CSMD1: variants seen among roughly 807,000 people sequenced by gnomAD.
The protein encoded by CSMD1 is CUB and sushi domain-containing protein 1.
Under a neutral mutation model 417.5 loss-of-function variants are expected in CSMD1, and 213 were observed. The ratio of observed to expected loss-of-function variants is 0.51; its 90% CI spans 0.46 to 0.57. The LOEUF (loss-of-function observed/expected upper bound fraction) is 0.57, where lower values mean the gene tolerates loss of function less well. Ranked by LOEUF, CSMD1 falls within the 20% of genes least tolerant of loss-of-function variation. CSMD1 has a pLI of 0.00. For synonymous variants in CSMD1, 2,862 were observed against 1,736.8 expected (o/e 1.65, Z -16.11); for missense variants, 6,923 against 4,529.7 (o/e 1.53, Z -15.17).
intron 5 of CSMD1, among the ~76,000 whole-genome samples, chr8:3,983,176 G>A (rs988011279): frequency 9.6e-5 from 14 of 145,906 alleles, no homozygotes; most frequent in Non-Finnish European, 1.6e-4. Context: ...TGTCACCCAG[G>A]CTGGAGTGCA....
intron 1 of CSMD1, among the ~76,000 whole-genome samples, chr8:4,812,315 T>C (rs953625692): frequency 1.3e-5 from 2 of 152,220 alleles, no homozygotes; most frequent in Non-Finnish European, 2.9e-5. Context: ...GGATAGTGGC[T>C]GCTTCCAATC....
chr8:4,089,580 C>A (rs1585290563), intron 3 of CSMD1, among the ~76,000 whole-genome samples: 1 of 152,034 alleles, frequency 6.6e-6, no homozygotes, highest in Non-Finnish European at 1.5e-5. Context: ...AGTTATTATA[C>A]CTCTTCTCTC....
intron 1 of CSMD1, among the ~76,000 whole-genome samples, chr8:4,863,942 C>G: frequency 6.6e-6 from 1 of 150,570 alleles, no homozygotes; most frequent in Admixed American, 6.6e-5. Context: ...TAAATAAATC[C>G]TAAAATAAAT....
At chr8:4,235,929 T>C (rs879315217) in intron 3 of CSMD1, among the ~76,000 whole-genome samples, 2 of 152,104 alleles carry the variant, frequency 1.3e-5, no homozygotes, top group Non-Finnish European at 2.9e-5. Context: ...AACAAACCAT[T>C]TGTGTTTACC....
intron 26 of CSMD1, among the ~76,000 whole-genome samples, chr8:3,256,765 C>G (rs996092274): frequency 6.6e-6 from 1 of 152,170 alleles, no homozygotes; most frequent in Admixed American, 6.5e-5. Context: ...AAAGGGACAT[C>G]TTGTGTATGT....
At chr8:3,197,700 G>T (rs1405627841) in intron 33 of CSMD1, among the ~76,000 whole-genome samples, 2 of 151,932 alleles carry the variant, frequency 1.3e-5, no homozygotes, top group East Asian at 3.9e-4. Flanking sequence ...TCCTGACCTC[G>T]TGATCCGCCC....
chr8:4,903,966 C>T (rs1805067090), intron 1 of CSMD1, among the ~76,000 whole-genome samples: 1 of 152,278 alleles, frequency 6.6e-6, no homozygotes, highest in South Asian at 2.1e-4. Flanking sequence ...TTAAATAAAT[C>T]TTCTCATAAA....
At chr8:4,699,525 G>C (rs2859568) in intron 1 of CSMD1, among the ~76,000 whole-genome samples, 96,221 of 152,008 alleles carry the variant, frequency 0.63, 30,602 homozygotes, top group Admixed American at 0.7. Context: ...CTCAGCTTAT[G>C]TTCTTTTCTG....
intron 1 of CSMD1, among the ~76,000 whole-genome samples, chr8:4,867,392 G>C (rs1802478412): frequency 6.6e-6 from 1 of 151,898 alleles, no homozygotes; most frequent in Admixed American, 6.6e-5. Context: ...TATTTGAAAG[G>C]TATTACTAAG....
intron 3 of CSMD1, among the ~76,000 whole-genome samples, chr8:4,346,315 T>C (rs1034319663): frequency 3.3e-5 from 5 of 152,176 alleles, no homozygotes; most frequent in African/African-American, 9.6e-5. Flanking sequence ...TCAGTGACCA[T>C]AAATCCAGTT....
intron 10 of CSMD1, among the ~76,000 whole-genome samples, chr8:3,497,631 G>T (rs1796421880): frequency 6.6e-6 from 1 of 152,068 alleles, no homozygotes; most frequent in Non-Finnish European, 1.5e-5. Context: ...GCTAGTTTTT[G>T]GTTTCTGTTT....
At chr8:4,311,824 T>C (rs1001525359) in intron 3 of CSMD1, among the ~76,000 whole-genome samples, 2 of 148,102 alleles carry the variant, frequency 1.4e-5, no homozygotes, top group African/African-American at 2.5e-5. Flanking sequence ...TGGTGGAGAG[T>C]GCGAAGGAGA....
intron 12 of CSMD1, among the ~76,000 whole-genome samples, chr8:3,463,074 C>G (rs1012580556): frequency 6.6e-6 from 1 of 152,206 alleles, no homozygotes; most frequent in African/African-American, 2.4e-5. Flanking sequence ...CTGCCTTGAT[C>G]GTGGACTTCC....
chr8:3,670,757 T>C (rs1311504596), intron 7 of CSMD1, among the ~76,000 whole-genome samples: 1 of 150,670 alleles, frequency 6.6e-6, no homozygotes, highest in South Asian at 2.1e-4. Flanking sequence ...ATGGGATATA[T>C]ATGTATGGGA....
intron 3 of CSMD1, among the ~76,000 whole-genome samples, chr8:4,197,354 G>C (rs180813816): frequency 2.0e-5 from 3 of 152,308 alleles, no homozygotes; most frequent in Admixed American, 6.5e-5. Flanking sequence ...TATTTGGTCA[G>C]ACATTATTGT....
At chr8:3,712,179 C>G (rs73185366) in intron 6 of CSMD1, among the ~76,000 whole-genome samples, 50,114 of 145,300 alleles carry the variant, frequency 0.34, 8,492 homozygotes, top group East Asian at 0.51. Context: ...TCTTATTGGA[C>G]AGCTCTGCTA....
intron 3 of CSMD1, among the ~76,000 whole-genome samples, chr8:4,407,952 T>A (rs563253306): frequency 6.6e-6 from 1 of 152,274 alleles, no homozygotes; most frequent in South Asian, 2.1e-4. Context: ...AAATCTCCCA[T>A]TTGTTATCCT....
chr8:3,159,896 G>A (rs566800797), intron 38 of CSMD1, among the ~76,000 whole-genome samples: 555 of 152,118 alleles, frequency 3.6e-3, no homozygotes, highest in Non-Finnish European at 4.8e-3. Flanking sequence ...ATAAAAGAAC[G>A]GCAACAGAAT....
intron 5 of CSMD1, among the ~76,000 whole-genome samples, chr8:3,992,890 C>T (rs1264839767): frequency 6.6e-6 from 1 of 152,366 alleles, no homozygotes; most frequent in East Asian, 1.9e-4. Context: ...GATGTCACTG[C>T]TTTTCCAAAG....
Sources: allele counts gnomAD v4.1 joint callset (sites outside exome capture counted in the v4.1 genomes callset), GRCh38; gene constraint gnomAD v4.1.1; transcripts MANE v1.5; gene names NCBI Gene and HGNC (gene_info 2026-07-23, HGNC 2026-07-21).